ZDHHC15: variants seen among roughly 807,000 people sequenced by gnomAD.
The protein encoded by ZDHHC15 is zDHHC palmitoyltransferase 15.
ZDHHC15 carries 19 observed loss-of-function variants against 31.7 expected under a neutral mutation model. That is an observed-to-expected ratio of 0.60 (90% CI 0.42 to 0.88). ZDHHC15 has a LOEUF of 0.88. ZDHHC15 is among the 40% of genes least tolerant of loss of function. The probability of loss-of-function intolerance (pLI) is 0.00; values close to 1 mark genes in which losing one functional copy is unlikely to be tolerated. For missense variants in ZDHHC15, 209 were observed against 251.2 expected (o/e 0.83, Z 1.14); for synonymous variants, 103 against 90.0 (o/e 1.14, Z -0.82).
At chrX:75,449,734 C>G (rs2084089129) in intron 4 of ZDHHC15, among the ~76,000 whole-genome samples, 1 of 112,078 alleles carries the variant, frequency 8.9e-6, no homozygotes, top group South Asian at 3.6e-4. Flanking sequence ...ATGTGTCTGA[C>G]AGTAAACTTT....
intron 2 of ZDHHC15, among the ~76,000 whole-genome samples, chrX:75,502,600 G>A (rs1347533754): frequency 9.0e-6 from 1 of 111,348 alleles, no homozygotes; most frequent in Non-Finnish European, 1.9e-5. Context: ...GAGCAACTGT[G>A]GGCAACGCAT....
intron 10 of ZDHHC15, among the ~76,000 whole-genome samples, chrX:75,400,486 G>A (rs1391787589): frequency 2.7e-5 from 3 of 111,759 alleles, no homozygotes; most frequent in African/African-American, 9.8e-5. Flanking sequence ...ATTATGTAAA[G>A]AGGCCAAAGC....
intron 2 of ZDHHC15, among the ~76,000 whole-genome samples, chrX:75,494,287 T>C (rs937417363): frequency 5.4e-5 from 6 of 110,977 alleles, no homozygotes; most frequent in African/African-American, 9.8e-5. Flanking sequence ...TAAAAGAGGA[T>C]ACAAACAAAT....
rs2084647538 is a variant in ZDHHC15, at chrX:75,478,961, G to A, written c.188C>T (p.Ala63Val). Residue 63 changes from alanine to valine, a missense_variant, in exon 3 of 12, where the codon GCC becomes GTC. Ala to Val is a moderately conservative substitution (Grantham distance 64, BLOSUM62 0). Transcript: ENST00000373367. ...GGTCCAGGTAAAGAACACAAAGATG[G>A]CATGGTAGAGTATGAGGTAAATAAC... is the stretch of plus-strand genomic sequence containing the variant. ...EKVIYLILYH[A>V]IFVFFTWTYW... is the part of the protein sequence containing the mutation. The A allele has an allele frequency of 1.7e-6, 2 of 1,194,976 alleles. No homozygotes were observed. The highest frequency in any genetic ancestry group is 1.8e-5 in the African/African-American group (1 of 56,443).
intron 10 of ZDHHC15, among the ~76,000 whole-genome samples, chrX:75,396,837 C>T (rs2083304052): frequency 9.0e-6 from 1 of 111,587 alleles, no homozygotes; most frequent in Admixed American, 9.6e-5. Context: ...TTATTTGCAA[C>T]AACATGGATG....
chrX:75,434,028 G>A (rs1282028529), intron 4 of ZDHHC15, among the ~76,000 whole-genome samples: 2 of 111,195 alleles, frequency 1.8e-5, no homozygotes, highest in African/African-American at 3.3e-5. Context: ...TTTAAATTAC[G>A]GCCATTCTTG....
chrX:75,383,012 C>T (rs1049908021), intron 10 of ZDHHC15, among the ~76,000 whole-genome samples: 3 of 111,400 alleles, frequency 2.7e-5, no homozygotes, highest in Non-Finnish European at 3.8e-5. Flanking sequence ...GAAAGAGGTA[C>T]AGGAACTAAA....
At chrX:75,447,866 C>A (rs1402117420) in intron 4 of ZDHHC15, among the ~76,000 whole-genome samples, 1 of 111,849 alleles carries the variant, frequency 8.9e-6, no homozygotes, top group Non-Finnish European at 1.9e-5. Context: ...ATCCTCGTAT[C>A]TCTGAATCAA....
At position 75,435,208 on chromosome X, in the gene ZDHHC15, T is replaced by A. The variant is rs7050788; in HGVS notation, c.380-3688A>T. 8.3e-3 allele frequency among the ~76,000 whole-genome samples: 932 copies of A among 111,971 alleles called. 7 individuals are homozygous for A. The highest frequency in any genetic ancestry group is 0.029 in the African/African-American group (887 of 30,859). ...ATTAATTTTGTAACGTGAAATTTTA[T>A]TGAATTCATTGATCAGATCCAGGAG... is the stretch of plus-strand genomic sequence containing the variant. On this transcript the variant is annotated intron_variant, in intron 4 of 11. Coordinates refer to ENST00000373367, the MANE Select transcript of ZDHHC15 (RefSeq NM_144969.3).
chrX:75,445,214 A>C (rs1461291654), intron 4 of ZDHHC15, among the ~76,000 whole-genome samples: 1 of 111,616 alleles, frequency 9.0e-6, no homozygotes, highest in Non-Finnish European at 1.9e-5. Flanking sequence ...CCAAAGAAAC[A>C]GAATTTTAGG....
intron 3 of ZDHHC15, among the ~76,000 whole-genome samples, chrX:75,474,920 C>T (rs60769791): frequency 0.01 from 1,129 of 109,331 alleles, 19 homozygotes; most frequent in African/African-American, 0.035. Context: ...ATTAGCCAGG[C>T]GTGGTGGCGG....
At chrX:75,447,481 C>G (rs1292538893) in intron 4 of ZDHHC15, among the ~76,000 whole-genome samples, 1 of 112,034 alleles carries the variant, frequency 8.9e-6, no homozygotes, top group Admixed American at 9.5e-5. Flanking sequence ...TATCACGTTC[C>G]CCATCATCCT....
chrX:75,505,040 T>C (rs929716841), intron 2 of ZDHHC15, among the ~76,000 whole-genome samples: 2 of 111,693 alleles, frequency 1.8e-5, no homozygotes, highest in Non-Finnish European at 3.8e-5. Context: ...TCAGACAGTC[T>C]AGCTACAGAA....
intron 10 of ZDHHC15, among the ~76,000 whole-genome samples, chrX:75,389,049 G>C (rs986104436): frequency 1.7e-4 from 19 of 111,712 alleles, no homozygotes; most frequent in African/African-American, 5.9e-4. Context: ...GTGAACTTGG[G>C]AGAGGGAGAG....
intron 4 of ZDHHC15, among the ~76,000 whole-genome samples, chrX:75,437,340 G>T (rs1292254994): frequency 1.8e-4 from 18 of 100,115 alleles, no homozygotes; most frequent in Non-Finnish European, 8.0e-5. Context: ...CAATGTGCAG[G>T]TTAGTTACAT....
intron 10 of ZDHHC15, among the ~76,000 whole-genome samples, chrX:75,405,380 T>TA (rs1188871043): frequency 1.8e-5 from 2 of 110,173 alleles, no homozygotes; most frequent in South Asian, 7.6e-4. Flanking sequence ...AAACCTAAAA[T>TA]AAAAAATAAA....
At chrX:75,434,733 A>G (rs980226330) in intron 4 of ZDHHC15, among the ~76,000 whole-genome samples, 1 of 112,186 alleles carries the variant, frequency 8.9e-6, no homozygotes. Context: ...TGCTTTGGTG[A>G]CTATAGCCTT....
At chrX:75,420,951 TA>T (rs1473080582) in intron 9 of ZDHHC15, among the ~76,000 whole-genome samples, 2 of 110,612 alleles carry the variant, frequency 1.8e-5, no homozygotes, top group Non-Finnish European at 3.8e-5. Flanking sequence ...TAAAGTATAA[TA>T]AAAAAAGAAT....
chrX:75,482,593 C>A (rs771565724), intron 2 of ZDHHC15, among the ~76,000 whole-genome samples: 1 of 111,393 alleles, frequency 9.0e-6, no homozygotes, highest in South Asian at 3.8e-4. Context: ...TATACCAATT[C>A]TTTGGGAGTA....
Sources: allele counts gnomAD v4.1 joint callset (sites outside exome capture counted in the v4.1 genomes callset), GRCh38; gene constraint gnomAD v4.1.1; transcripts MANE v1.5; gene names NCBI Gene and HGNC (gene_info 2026-07-23, HGNC 2026-07-21).